Variants in MYT1L observed in about 807,000 individuals in gnomAD.
MYT1L encodes myelin transcription factor 1-like protein.
In MYT1L, 12 loss-of-function variants were observed where a neutral mutation model predicts 126.7. The ratio of observed to expected loss-of-function variants is 0.09; its 90% confidence interval spans 0.06 to 0.15. The LOEUF (loss-of-function observed/expected upper bound fraction) is 0.15, where lower values mean the gene tolerates loss of function less well. Ranked by LOEUF, MYT1L falls within the 10% of genes least tolerant of loss-of-function variation. The pLI, the probability that MYT1L is intolerant of heterozygous loss-of-function variation, is 1.00. For missense variants in MYT1L, 979 were observed against 1,585.2 expected (o/e 0.62, Z 6.49); for synonymous variants, 541 against 604.2 (o/e 0.90, Z 1.53).
chr2:2,107,824 G>C (rs1011127616), intron 3 of MYT1L, among the ~76,000 whole-genome samples: 2 of 152,220 alleles, frequency 1.3e-5, no homozygotes, highest in Admixed American at 1.3e-4. Flanking sequence ...GAATAGGCGC[G>C]TGCACCCAGA....
intron 14 of MYT1L, among the ~76,000 whole-genome samples, chr2:1,897,184 A>G (rs1372338492): frequency 6.6e-6 from 1 of 152,264 alleles, no homozygotes; most frequent in Non-Finnish European, 1.5e-5. Context: ...GAGGGCCTAC[A>G]GTTAAAATTG....
intron 2 of MYT1L, among the ~76,000 whole-genome samples, chr2:2,209,776 T>A (rs960909254): frequency 3.9e-5 from 6 of 152,236 alleles, no homozygotes; most frequent in African/African-American, 1.4e-4. Context: ...GATATCTCTT[T>A]GATATGCTCA....
intron 3 of MYT1L, among the ~76,000 whole-genome samples, chr2:2,099,205 C>T (rs528221071): frequency 1.4e-4 from 22 of 152,242 alleles, no homozygotes; most frequent in African/African-American, 5.1e-4. Context: ...GTTGCTGCTG[C>T]AACATGGCTG....
At chr2:1,832,417 T>A (rs957165308) in intron 21 of MYT1L, among the ~76,000 whole-genome samples, 1 of 152,188 alleles carries the variant, frequency 6.6e-6, no homozygotes, top group Non-Finnish European at 1.5e-5. Context: ...ACCCATGGCG[T>A]TCAAGGCTTC....
rs143955944 is a variant in MYT1L, at chr2:2,031,467, C to G, written c.-158+22511G>C. ...GCCTTATACACACCCCTCGCCAGTG[C>G]CTCTCATCCTGTGGCCCAAAGCAGA... On this transcript the variant is annotated intron_variant, in intron 4 of 24. Transcript: ENST00000647738. 9.6e-3 allele frequency among the ~76,000 whole-genome samples: 1,347 copies of G among 140,554 alleles called. 25 individuals carry two copies. Among genetic ancestry groups the G allele is most frequent in the African/African-American group, 0.034 (1,267 of 36,892 alleles). The allele number at this position is 140,554 out of a possible 152,430, so 92.2% of individuals were successfully genotyped here.
At chr2:2,245,205 G>A (rs574526167) in intron 2 of MYT1L, among the ~76,000 whole-genome samples, 1 of 152,268 alleles carries the variant, frequency 6.6e-6, no homozygotes, top group African/African-American at 2.4e-5. Context: ...AGAAAAGATT[G>A]GAAGTATGGG....
chr2:2,179,666 A>G (rs1177182617), intron 2 of MYT1L, among the ~76,000 whole-genome samples: 2 of 152,256 alleles, frequency 1.3e-5, no homozygotes, highest in Non-Finnish European at 1.5e-5. Flanking sequence ...AGTGAGGAAC[A>G]GTAGGAATCG....
chr2:2,043,594 T>C (rs2067808939), intron 4 of MYT1L, among the ~76,000 whole-genome samples: 1 of 152,200 alleles, frequency 6.6e-6, no homozygotes, highest in Non-Finnish European at 1.5e-5. Flanking sequence ...TTGAAAGAGC[T>C]GTGCCCACTG....
chr2:2,318,961 A>C (rs958363421), intron 1 of MYT1L, among the ~76,000 whole-genome samples: 1 of 152,212 alleles, frequency 6.6e-6, no homozygotes, highest in Admixed American at 6.5e-5. Flanking sequence ...TTAATTCTAA[A>C]TAGGCAGGTA....
At chr2:2,157,417 T>C (rs2086909753) in intron 3 of MYT1L, among the ~76,000 whole-genome samples, 1 of 152,218 alleles carries the variant, frequency 6.6e-6, no homozygotes, top group Non-Finnish European at 1.5e-5. Flanking sequence ...TAATAATTTC[T>C]TTATTATTCT....
At chr2:2,000,063 G>A (rs929726716) in intron 4 of MYT1L, among the ~76,000 whole-genome samples, 3 of 152,296 alleles carry the variant, frequency 2.0e-5, no homozygotes, top group Admixed American at 6.5e-5. Flanking sequence ...CCTGAAATCC[G>A]TCCACGTTAT....
chr2:2,055,098 C>T (rs1393394431), intron 3 of MYT1L, among the ~76,000 whole-genome samples: 1 of 152,138 alleles, frequency 6.6e-6, no homozygotes. Context: ...TGAAATTACT[C>T]TTTGTAATAT....
chr2:1,792,131 G>C (rs1392401232), intron 24 of MYT1L, 124 bp from the exon 25 acceptor site: 1 of 1,184,132 alleles, frequency 8.4e-7, no homozygotes, highest in Admixed American at 2.9e-5. Flanking sequence ...GGCCGGCTCA[G>C]AGCACACTTA....
chr2:2,198,163 CAGAA>C (rs969114297), intron 2 of MYT1L, among the ~76,000 whole-genome samples: 2 of 152,010 alleles, frequency 1.3e-5, no homozygotes, highest in African/African-American at 4.8e-5. Flanking sequence ...AAGCCAGACA[CAGAA>C]AGACAAACAC....
At position 1,852,462 on chromosome 2, in the gene MYT1L, G is replaced by C. The variant is rs1180104696; in HGVS notation, c.2712-759C>G. 6.6e-6 allele frequency among the ~76,000 whole-genome samples: 1 copy of C among 152,076 alleles called. No homozygotes were observed. The highest frequency in any genetic ancestry group is 2.4e-5 in the African/African-American group (1 of 41,416). ...CATCCCGTTTCTTAATTAAGGTCTT[G>C]CTATTTCTCTAATCAGAGACTTTTT... On this transcript the variant is annotated intron_variant, in intron 18 of 24. Transcript: ENST00000647738. The surrounding 1 kb of genome is among the most constrained non-coding windows in gnomAD (Gnocchi z 4.0).
intron 2 of MYT1L, among the ~76,000 whole-genome samples, chr2:2,208,827 C>A (rs539626828): frequency 6.6e-6 from 1 of 152,150 alleles, no homozygotes; most frequent in South Asian, 2.1e-4. Flanking sequence ...GGCACATTTA[C>A]CTAAAATAGA....
At chr2:1,903,765 G>A (rs1430178725) in intron 13 of MYT1L, among the ~76,000 whole-genome samples, 5 of 152,172 alleles carry the variant, frequency 3.3e-5, no homozygotes, top group African/African-American at 1.2e-4. Context: ...AGATCAAAAT[G>A]TACCTAACTG....
intron 8 of MYT1L, among the ~76,000 whole-genome samples, chr2:1,953,392 A>G (rs1250100736): frequency 6.6e-6 from 1 of 152,134 alleles, no homozygotes; most frequent in Non-Finnish European, 1.5e-5. Context: ...CCACAGCTCT[A>G]TGCTCATTTA....
intron 3 of MYT1L, among the ~76,000 whole-genome samples, chr2:2,142,992 T>G (rs1185499967): frequency 6.7e-6 from 1 of 150,012 alleles, no homozygotes; most frequent in East Asian, 2.1e-4. Flanking sequence ...CGGCCATAAC[T>G]TTTTTAAAAA....
Sources: allele counts gnomAD v4.1 joint callset (sites outside exome capture counted in the v4.1 genomes callset), GRCh38; gene constraint gnomAD v4.1.1; non-coding constraint Gnocchi (gnomAD v3.1); transcripts MANE v1.5; gene names NCBI Gene and HGNC (gene_info 2026-07-23, HGNC 2026-07-21).